GRM5: variants seen among roughly 807,000 people sequenced by gnomAD.
GRM5 encodes metabotropic glutamate receptor 5.
In GRM5, 19 loss-of-function variants were observed where a neutral mutation model predicts 83.1. The ratio of observed to expected loss-of-function variants is 0.23; its 90% CI spans 0.16 to 0.34. The LOEUF (loss-of-function observed/expected upper bound fraction) is 0.34, where lower values mean the gene tolerates loss of function less well. Ranked by LOEUF, GRM5 falls within the 10% of genes least tolerant of loss-of-function variation. GRM5 has a pLI of 1.00. For missense variants in GRM5, 1,160 were observed against 1,588.3 expected, an observed-to-expected ratio of 0.73 and a Z score of 4.58; for synonymous variants, 675 against 633.6, an observed-to-expected ratio of 1.07 and a Z score of -0.98.
intron 2 of GRM5, among the ~76,000 whole-genome samples, chr11:89,013,697 C>T (rs536612784): frequency 6.6e-6 from 1 of 152,182 alleles, no homozygotes; most frequent in Admixed American, 6.5e-5. Flanking sequence ...CAACTCCCTG[C>T]TCATTATTAG....
intron 2 of GRM5, among the ~76,000 whole-genome samples, chr11:88,883,015 T>C (rs1280556508): frequency 6.6e-6 from 1 of 152,216 alleles, no homozygotes; most frequent in African/African-American, 2.4e-5. Context: ...GCTATGATTT[T>C]TGAGGCCTCC....
chr11:88,583,590 G>A (rs930477906), intron 7 of GRM5, among the ~76,000 whole-genome samples: 16 of 152,172 alleles, frequency 1.1e-4, no homozygotes, highest in African/African-American at 3.9e-4. Context: ...TAGTTTATTG[G>A]AAGGTTGGCA....
chr11:88,584,026 A>G (rs1033254599), intron 7 of GRM5, among the ~76,000 whole-genome samples: 2 of 152,084 alleles, frequency 1.3e-5, no homozygotes, highest in African/African-American at 4.8e-5. Flanking sequence ...TCTCTTTATA[A>G]TTCCCAACTT....
chr11:88,836,454 T>C (rs997772381), intron 3 of GRM5, among the ~76,000 whole-genome samples: 14 of 152,204 alleles, frequency 9.2e-5, no homozygotes, highest in Admixed American at 7.9e-4. Context: ...TGTGTGTATA[T>C]ATATGTATGA....
chr11:88,906,220 T>C (rs1298260008), intron 2 of GRM5, among the ~76,000 whole-genome samples: 1 of 152,166 alleles, frequency 6.6e-6, no homozygotes, highest in Non-Finnish European at 1.5e-5. Flanking sequence ...CTTGTTTCTG[T>C]CACTGGGGAG....
intron 3 of GRM5, among the ~76,000 whole-genome samples, chr11:88,767,648 C>A (rs139413995): frequency 9.2e-5 from 14 of 151,728 alleles, no homozygotes; most frequent in Admixed American, 6.6e-5. Context: ...TACTAGGAGG[C>A]GAACAACGGA....
chr11:88,580,752 T>C (rs545190763), intron 7 of GRM5, among the ~76,000 whole-genome samples: 2 of 152,340 alleles, frequency 1.3e-5, no homozygotes, highest in South Asian at 4.1e-4. Context: ...TAAGCTTAGT[T>C]CAACAAATAA....
chr11:88,508,747 C>A lies in GRM5; in HGVS notation c.3484G>T (p.Ala1162Ser). 1.3e-6 allele frequency: 2 copies of A among 1,561,618 alleles called. No homozygotes were observed. The highest frequency in any genetic ancestry group is 2.3e-5 in the South Asian group (2 of 85,324). The change falls in exon 10 of 10, where the codon GCT becomes TCT. Residue 1162 changes from alanine (A) to serine (S), a missense_variant. Physicochemically the swap from Ala to Ser is moderately conservative, Grantham distance 99. Transcript: ENST00000305447. This position sits in a 1 kb window ranked among gnomAD's most constrained non-coding sequence, Gnocchi z 4.2. The part of the protein sequence containing the change: ...AAKPDLEELV[A>S]LTPPSPFRDS... ...CTGAAGGGGGACGGCGGGGTGAGAG[C>A]CACCAGCTCCTCCAGGTCTGGCTTG... is the stretch of plus-strand genomic sequence containing the variant.
At chr11:88,814,753 C>T (rs932421781) in intron 3 of GRM5, among the ~76,000 whole-genome samples, 1 of 151,784 alleles carries the variant, frequency 6.6e-6, no homozygotes, top group African/African-American at 2.4e-5. Context: ...GCAATTTAAA[C>T]AAGCTATCAG....
At chr11:88,777,845 G>T (rs1300722584) in intron 3 of GRM5, among the ~76,000 whole-genome samples, 1 of 152,066 alleles carries the variant, frequency 6.6e-6, no homozygotes, top group African/African-American at 2.4e-5. Flanking sequence ...CAGAGGAGCA[G>T]CCACCTATAT....
At chr11:88,932,274 T>C (rs1490229243) in intron 2 of GRM5, among the ~76,000 whole-genome samples, 4 of 152,086 alleles carry the variant, frequency 2.6e-5, no homozygotes, top group Non-Finnish European at 4.4e-5. Context: ...ACATAATAAA[T>C]TTGGATGCAC....
intron 3 of GRM5, among the ~76,000 whole-genome samples, chr11:88,847,350 C>T (rs1944316837): frequency 6.6e-6 from 1 of 152,088 alleles, no homozygotes; most frequent in African/African-American, 2.4e-5. Context: ...AGTAAACACT[C>T]AACATTTGTC....
chr11:88,934,661 T>A (rs1193409933), intron 2 of GRM5, among the ~76,000 whole-genome samples: 5 of 151,932 alleles, frequency 3.3e-5, no homozygotes, highest in Non-Finnish European at 7.4e-5. Context: ...TTTATTTGAA[T>A]TTTATTTTAT....
intron 8 of GRM5, among the ~76,000 whole-genome samples, chr11:88,546,335 G>A (rs1314037678): frequency 6.6e-6 from 1 of 151,810 alleles, no homozygotes; most frequent in Non-Finnish European, 1.5e-5. Context: ...GAGATTTTAG[G>A]TTGTTCTTCA....
intron 3 of GRM5, among the ~76,000 whole-genome samples, chr11:88,845,953 A>C (rs951508672): frequency 2.6e-5 from 4 of 152,144 alleles, no homozygotes; most frequent in African/African-American, 9.7e-5. Context: ...TGACTAGAAA[A>C]ACTGTAATTT....
At chr11:89,011,999 A>G (rs1268467647) in intron 2 of GRM5, among the ~76,000 whole-genome samples, 1 of 152,214 alleles carries the variant, frequency 6.6e-6, no homozygotes, top group Non-Finnish European at 1.5e-5. Flanking sequence ...CTATCAAGTT[A>G]CATCCTTTCC....
At chr11:88,867,241 G>T (rs1488455933) in intron 2 of GRM5, among the ~76,000 whole-genome samples, 1 of 151,722 alleles carries the variant, frequency 6.6e-6, no homozygotes, top group Non-Finnish European at 1.5e-5. Context: ...CTAATTCTAT[G>T]AATAAAGTCA....
At chr11:88,931,446 A>AG (rs1012355409) in intron 2 of GRM5, among the ~76,000 whole-genome samples, 1 of 151,366 alleles carries the variant, frequency 6.6e-6, no homozygotes, top group Non-Finnish European at 1.5e-5. Flanking sequence ...AAAGTAAAAA[A>AG]AAAAAATCAT....
intron 2 of GRM5, among the ~76,000 whole-genome samples, chr11:88,908,290 G>A (rs923093971): frequency 4.6e-5 from 7 of 151,900 alleles, no homozygotes; most frequent in East Asian, 3.9e-4. Flanking sequence ...ATCTATGATC[G>A]CATGATATAT....
Sources: allele counts gnomAD v4.1 joint callset (sites outside exome capture counted in the v4.1 genomes callset), GRCh38; gene constraint gnomAD v4.1.1; non-coding constraint Gnocchi (gnomAD v3.1); transcripts MANE v1.5; gene names NCBI Gene and HGNC (gene_info 2026-07-23, HGNC 2026-07-21).